Variants in SAA4 observed in about 807,000 individuals in gnomAD.
SAA4 encodes the protein serum amyloid A-4 protein.
Under a neutral mutation model 11.2 loss-of-function variants are expected in SAA4, and 8 were observed. The ratio of observed to expected loss-of-function variants is 0.71; its 90% CI spans 0.42 to 1.29. The LOEUF is 1.29. Ranked by LOEUF, SAA4 falls within the 50% of genes most tolerant of loss-of-function variation. SAA4 has a pLI of 0.01. For synonymous variants in SAA4, 60 were observed against 56.2 expected, an observed-to-expected ratio of 1.07 and a Z score of -0.30; for missense variants, 171 against 164.2, an observed-to-expected ratio of 1.04 and a Z score of -0.23.
Position 18,231,472 on chromosome 11 carries a change from A to T in SAA4, c.*30T>A. The T allele has an allele frequency of 6.2e-7, 1 of 1,602,126 alleles. No individual in the cohort carries two copies. Among genetic ancestry groups the T allele is most frequent in the Non-Finnish European group, 8.5e-7 (1 of 1,175,670 alleles). ...GGGAGAAGTGTGTGGCTCACAGCCC[A>T]GTTTCCCTGAGAGCAGAGGAGCAGG... On this transcript the variant is annotated 3_prime_UTR_variant, in exon 4 of 4. Coordinates refer to ENST00000278222, the MANE Select transcript of SAA4 (RefSeq NM_006512.4).
chr11:18,232,397 G>A lies in SAA4; in HGVS notation c.228C>T (p.Ile76=), dbSNP rs914127336. The A allele has an allele frequency of 6.2e-7, 1 of 1,613,976 alleles. No individual in the cohort carries two copies. The highest frequency in any genetic ancestry group is 8.5e-7 in the Non-Finnish European group (1 of 1,179,966). ...GPGGVWAAKL[I]SRSRVYLQGL... is the part of the protein sequence containing the mutation. ...GAGTCCCCGGGAATCTGTGTTACCT[G>A]ATGAGTTTAGCAGCCCAGACACCCC... is the stretch of plus-strand genomic sequence containing the variant. The change falls in exon 3 of 4, where the codon ATC becomes ATT. Residue 76 remains isoleucine, a splice_region_variant and synonymous_variant. Transcript: ENST00000278222.
chr11:18,232,315 A>G, intron 3 of SAA4, 80 bp downstream of exon 3: 1 of 1,551,230 alleles, frequency 6.4e-7, no homozygotes, highest in Non-Finnish European at 8.7e-7. Context: ...GAGGAGGGGA[A>G]AGAGCCACAG....
chr11:18,231,704 A>T (rs1160044554), intron 3 of SAA4, 40 bp from the exon 4 acceptor site: 1 of 1,582,400 alleles, frequency 6.3e-7, no homozygotes, highest in Non-Finnish European at 8.6e-7. Context: ...TAATCTCTTG[A>T]CTCACCTGCT....
intron 3 of SAA4, among the ~76,000 whole-genome samples, chr11:18,232,108 C>T (rs1300588993): frequency 6.6e-6 from 1 of 151,954 alleles, no homozygotes; most frequent in Admixed American, 6.6e-5. Context: ...CTCTTAAATC[C>T]CTGGGCCCAA....
intron 2 of SAA4, 53 bp downstream of exon 2, chr11:18,235,783 C>T (rs773723080): frequency 8.3e-6 from 13 of 1,571,234 alleles, no homozygotes; most frequent in Middle Eastern, 1.7e-4. Flanking sequence ...AGTATGTGGC[C>T]CCTGCTCAGA....
Position 18,232,677 on chromosome 11 carries a change from T to G in SAA4, c.92-144A>C. On this transcript the variant is annotated intron_variant, in intron 2 of 3. Coordinates refer to ENST00000278222, the MANE Select transcript of SAA4 (RefSeq NM_006512.4). ...ACGTGGAGATAAACATTACTTCCTG[T>G]GAACAGCTTCCCTGAGTAACTGTAA... 4.0e-6 allele frequency: 5 copies of G among 1,242,998 alleles called. No individual in the cohort carries two copies. In the South Asian group the frequency reaches 4.6e-5, roughly 11 times the overall value. The allele number at this position is 1,242,998 out of a possible 1,614,324, so 77.0% of individuals were successfully genotyped here.
intron 2 of SAA4, among the ~76,000 whole-genome samples, chr11:18,234,173 C>A (rs181204538): frequency 4.7e-4 from 72 of 152,122 alleles, no homozygotes; most frequent in Non-Finnish European, 7.9e-4. Flanking sequence ...TGAAACAAAG[C>A]CGGATACAAA....
chr11:18,235,953 G>T (rs369860405), intron 1 of SAA4, 23 bp from the exon 2 acceptor site: 2 of 1,569,508 alleles, frequency 1.3e-6, no homozygotes, highest in African/African-American at 1.4e-5. Context: ...AAAGACAGGG[G>T]CAGAGGATCA....
chr11:18,232,523 G>A lies in SAA4; in HGVS notation c.102C>T (p.Asp34=). The change falls in exon 3 of 4, where the codon GAC becomes GAT. Residue 34 remains aspartate (D), a synonymous_variant. Transcript: ENST00000278222. ...TTATGTCCCAATAGGCTCTGCCCAT[G>A]TCCCCAACCCCTGGAAAGAAAAAAA... The part of the protein sequence containing the change: ...FFKEALQGVG[D]MGRAYWDIMI... 6.2e-7 allele frequency: 1 copy of A among 1,613,678 alleles called. No individual in the cohort carries two copies. Among genetic ancestry groups the A allele is most frequent in the Non-Finnish European group, 8.5e-7 (1 of 1,179,840 alleles).
intron 2 of SAA4, among the ~76,000 whole-genome samples, chr11:18,235,069 G>A (rs1030775755): frequency 6.6e-6 from 1 of 152,130 alleles, no homozygotes; most frequent in Admixed American, 6.5e-5. Flanking sequence ...GAAAAACTTA[G>A]TACATGCTAC....
chr11:18,233,207 G>A (rs1375373074), intron 2 of SAA4, among the ~76,000 whole-genome samples: 2 of 152,212 alleles, frequency 1.3e-5, no homozygotes, highest in African/African-American at 2.4e-5. Context: ...TGAAGGGCAT[G>A]AATGTAAATG....
rs1264062274 is a variant in SAA4, at chr11:18,235,843, A to G, written c.84T>C (p.Ala28=). ...ATCCTCCAGAGTTCTTACCTTGGAG[A>G]GCCTCCTTGAAAAACGAACGCCAGC... ...SESWRSFFKE[A]LQGVGDMGRA... is the part of the protein sequence containing the mutation. Residue 28 remains alanine (A), a synonymous_variant, in exon 2 of 4, where the codon GCT becomes GCC. Transcript: ENST00000278222. The G allele has an allele frequency of 5.0e-6, 8 of 1,613,504 alleles. No homozygotes were observed. The highest frequency in any genetic ancestry group is 6.8e-6 in the Non-Finnish European group (8 of 1,179,692).
chr11:18,235,841 A>G lies in SAA4; in HGVS notation c.86T>C (p.Leu29Pro), dbSNP rs1343007797. The G allele has an allele frequency of 1.2e-6, 2 of 1,613,490 alleles. No homozygotes were observed. The highest frequency in any genetic ancestry group is 1.7e-6 in the Non-Finnish European group (2 of 1,179,730). Residue 29 changes from leucine (L) to proline (P), a missense_variant, in exon 2 of 4, where the codon CTC becomes CCC. Coordinates refer to ENST00000278222, the MANE Select transcript of SAA4 (RefSeq NM_006512.4). ...CCATCCTCCAGAGTTCTTACCTTGGAGAGCCTCCTTGAAAAACGAACGCCA... is the reference window on the plus strand; with the variant it reads ...CCATCCTCCAGAGTTCTTACCTTGGGGAGCCTCCTTGAAAAACGAACGCCA... ...ESWRSFFKEA[L>P]QGVGDMGRAY...
intron 2 of SAA4, among the ~76,000 whole-genome samples, chr11:18,232,835 G>T (rs113057930): frequency 0.013 from 1,926 of 152,250 alleles, 39 homozygotes; most frequent in African/African-American, 0.044. Context: ...CTTTTCCATG[G>T]ATTACATTGA....
At chr11:18,231,876 C>CTTTT (rs35974284) in intron 3 of SAA4, among the ~76,000 whole-genome samples, 2 of 70,666 alleles carry the variant, frequency 2.8e-5, no homozygotes, top group African/African-American at 4.5e-5. Flanking sequence ...AGTGCTTTCC[C>CTTTT]TTTTTTTTTT....
intron 2 of SAA4, among the ~76,000 whole-genome samples, chr11:18,233,009 G>A (rs1206482676): frequency 6.6e-6 from 1 of 152,128 alleles, no homozygotes; most frequent in Non-Finnish European, 1.5e-5. Context: ...GAAGAGGAGG[G>A]GGCTGCACAT....
Position 18,232,553 on chromosome 11 carries a change from CAAAAA to C in SAA4, c.92-25_92-21del. On this transcript the variant is annotated intron_variant, in intron 2 of 3. Transcript: ENST00000278222. ...CAACCCCTGGAAAGAAAAAAAATGA[CAAAAA>C]TGAACCCAGTGACATACTGGAGAAA... 6.2e-7 allele frequency: 1 copy of C among 1,605,168 alleles called. No individual in the cohort carries two copies. Among genetic ancestry groups the C allele is most frequent in the South Asian group, 1.1e-5 (1 of 89,656 alleles).
intron 2 of SAA4, among the ~76,000 whole-genome samples, chr11:18,235,169 A>G (rs984882294): frequency 6.6e-6 from 1 of 152,248 alleles, no homozygotes; most frequent in Admixed American, 6.5e-5. Flanking sequence ...CAATTGAAAA[A>G]TTACAAAAAA....
intron 2 of SAA4, among the ~76,000 whole-genome samples, chr11:18,234,465 A>T (rs371072645): frequency 6.6e-6 from 1 of 152,234 alleles, no homozygotes; most frequent in Non-Finnish European, 1.5e-5. Context: ...TAGATGTTTG[A>T]AACAGGTCTA....
Sources: allele counts gnomAD v4.1 joint callset (sites outside exome capture counted in the v4.1 genomes callset), GRCh38; gene constraint gnomAD v4.1.1; transcripts MANE v1.5; gene names NCBI Gene and HGNC (gene_info 2026-07-23, HGNC 2026-07-21).